NHSL2: variants seen among roughly 807,000 people sequenced by gnomAD.
The protein encoded by NHSL2 is NHS-like protein 2.
In NHSL2, 27 loss-of-function variants were observed where a neutral mutation model predicts 53.4. That is an observed-to-expected ratio of 0.51 (90% CI 0.37 to 0.70). The LOEUF (loss-of-function observed/expected upper bound fraction) is 0.70. Ranked by LOEUF, NHSL2 falls within the 30% of genes least tolerant of loss-of-function variation. NHSL2 has a pLI of 0.00. For synonymous variants in NHSL2, 408 were observed against 404.1 expected (o/e 1.01, Z -0.12); for missense variants, 892 against 980.1 (o/e 0.91, Z 1.20).
intron 1 of NHSL2, among the ~76,000 whole-genome samples, chrX:71,982,238 G>A (rs2041982621): frequency 8.9e-6 from 1 of 112,247 alleles, no homozygotes; most frequent in Admixed American, 9.4e-5. Context: ...CCCATATACT[G>A]TATGATTCCA....
At chrX:71,914,497 A>G (rs1328042699) in intron 1 of NHSL2, among the ~76,000 whole-genome samples, 1 of 112,482 alleles carries the variant, frequency 8.9e-6, no homozygotes, top group Non-Finnish European at 1.9e-5. Flanking sequence ...GAAAACTATC[A>G]TGTTACACTA....
intron 1 of NHSL2, chrX:72,129,685 C>G: frequency 1.7e-6 from 1 of 588,343 alleles, no homozygotes; most frequent in Non-Finnish European, 2.6e-6. Context: ...GCAAGATGGT[C>G]TGGAATTCTG....
At chrX:72,128,284 G>C (rs1445464573) in intron 1 of NHSL2, 2 of 111,986 alleles carry the variant, frequency 1.8e-5, no homozygotes, top group Non-Finnish European at 3.8e-5. Context: ...GTCCGCCTGA[G>C]ATTATCGGTC....
At chrX:71,926,672 G>A (rs2041687314) in intron 1 of NHSL2, among the ~76,000 whole-genome samples, 1 of 110,546 alleles carries the variant, frequency 9.0e-6, no homozygotes, top group South Asian at 3.9e-4. Flanking sequence ...TACCTCTGAG[G>A]CTAATTAAAT....
At chrX:72,124,227 G>T (rs1030349195) in intron 1 of NHSL2, among the ~76,000 whole-genome samples, 1 of 109,780 alleles carries the variant, frequency 9.1e-6, no homozygotes, top group African/African-American at 3.3e-5. Context: ...CACTTCTGGC[G>T]GTCAAGGGCA....
intron 1 of NHSL2, among the ~76,000 whole-genome samples, chrX:71,999,953 T>C (rs985650419): frequency 1.8e-5 from 2 of 112,412 alleles, no homozygotes; most frequent in African/African-American, 6.5e-5. Context: ...CAAAAATCAA[T>C]GAAAGCATTA....
chrX:72,094,421 G>A (rs1205195159), intron 1 of NHSL2, among the ~76,000 whole-genome samples: 1 of 111,416 alleles, frequency 9.0e-6, no homozygotes, highest in Non-Finnish European at 1.9e-5. Context: ...TCAAGCTGTA[G>A]TATTTTATTT....
Position 71,972,317 on chromosome X carries a change from G to A in NHSL2, c.280+60950G>A, listed in dbSNP as rs182632213. Among the ~76,000 whole-genome samples the A allele has an allele frequency of 5.2e-3, 583 of 112,179 alleles. 5 individuals are homozygous for A. Among genetic ancestry groups the A allele is most frequent in the African/African-American group, 0.018 (549 of 30,910 alleles). On this transcript the variant is annotated intron_variant, in intron 1 of 7. Coordinates refer to ENST00000633930, the MANE Select transcript of NHSL2 (RefSeq NM_001013627.3). Reference sequence around the variant, plus strand: ...CCCAAAGTGCTGGGATTAAAGGCATGAGCCACCGCGCCCGGCCTATTTTGC... The same window carrying A: ...CCCAAAGTGCTGGGATTAAAGGCATAAGCCACCGCGCCCGGCCTATTTTGC...
rs1029097768 is a variant in NHSL2 at position 72,132,083 on chromosome X, A to C, written c.285A>C (p.Ala95=). The change falls in exon 2 of 8, where the codon GCA becomes GCC. Residue 95 remains alanine, a synonymous_variant. Coordinates refer to ENST00000633930, the MANE Select transcript of NHSL2 (RefSeq NM_001013627.3). Reference sequence around the variant, plus strand: ...ACTGACTCTCTCCTTCCCTAGCTGCAGCTAACTCGGGTCGGGAAAATGCGA... The same window carrying C: ...ACTGACTCTCTCCTTCCCTAGCTGCCGCTAACTCGGGTCGGGAAAATGCGA... ...GPEEDEEELA[A]ANSGRENATA... 1.5e-5 allele frequency: 18 copies of C among 1,165,274 alleles called. No homozygotes were observed. In the East Asian group the frequency reaches 2.0e-4, roughly 13 times the overall value.
chrX:72,039,252 G>A (rs1319084427), intron 1 of NHSL2, among the ~76,000 whole-genome samples: 3 of 110,302 alleles, frequency 2.7e-5, no homozygotes, highest in South Asian at 7.6e-4. Context: ...CTGAATTTGC[G>A]GCTTGTGTCT....
intron 1 of NHSL2, among the ~76,000 whole-genome samples, chrX:71,939,093 C>T (rs1210722078): frequency 8.9e-6 from 1 of 111,909 alleles, no homozygotes; most frequent in Non-Finnish European, 1.9e-5. Context: ...CCAAGGCCAG[C>T]CTCCTAGAGG....
At chrX:72,061,408 A>G (rs1473796128) in intron 1 of NHSL2, among the ~76,000 whole-genome samples, 1 of 111,990 alleles carries the variant, frequency 8.9e-6, no homozygotes, top group Non-Finnish European at 1.9e-5. Flanking sequence ...CAGTTTTCTC[A>G]TACGTGCAAT....
At chrX:72,019,846 A>G (rs1042932873) in intron 1 of NHSL2, among the ~76,000 whole-genome samples, 1 of 111,969 alleles carries the variant, frequency 8.9e-6, no homozygotes, top group African/African-American at 3.3e-5. Context: ...AGATTCAACA[A>G]ATGAATCCAG....
At chrX:72,097,022 CT>C (rs1330978564) in intron 1 of NHSL2, among the ~76,000 whole-genome samples, 2 of 112,474 alleles carry the variant, frequency 1.8e-5, no homozygotes, top group Non-Finnish European at 3.8e-5. Context: ...TAACAAATCT[CT>C]TCCTAGCCCT....
chrX:71,925,463 G>T (rs893389172), intron 1 of NHSL2, among the ~76,000 whole-genome samples: 1 of 108,155 alleles, frequency 9.2e-6, no homozygotes, highest in African/African-American at 3.4e-5. Flanking sequence ...CTGTGACCCA[G>T]GCTGGAGTGC....
At chrX:71,965,807 C>T (rs1251250576) in intron 1 of NHSL2, among the ~76,000 whole-genome samples, 3 of 112,312 alleles carry the variant, frequency 2.7e-5, no homozygotes, top group African/African-American at 9.7e-5. Flanking sequence ...GTTTTCCTCA[C>T]ACAGATCTTG....
intron 1 of NHSL2, among the ~76,000 whole-genome samples, chrX:71,925,265 A>C (rs2041678821): frequency 1.8e-5 from 2 of 111,433 alleles, no homozygotes; most frequent in African/African-American, 6.5e-5. Flanking sequence ...GTCTGGGCTG[A>C]TGCCTCTTGT....
At chrX:71,964,017 A>ATATATG (rs1428742776) in intron 1 of NHSL2, among the ~76,000 whole-genome samples, 6 of 4,536 alleles carry the variant, frequency 1.3e-3, no homozygotes, top group East Asian at 0.045. Context: ...ATATGTATAT[A>ATATATG]TATATATGTG....
intron 1 of NHSL2, among the ~76,000 whole-genome samples, chrX:71,989,953 C>G (rs1009512321): frequency 9.8e-5 from 11 of 112,682 alleles, no homozygotes; most frequent in African/African-American, 3.5e-4. Flanking sequence ...TACCGCATCA[C>G]CAGGGCTCCG....
Sources: allele counts gnomAD v4.1 joint callset (sites outside exome capture counted in the v4.1 genomes callset), GRCh38; gene constraint gnomAD v4.1.1; transcripts MANE v1.5; gene names NCBI Gene and HGNC (gene_info 2026-07-23, HGNC 2026-07-21).